Variants in SLC4A4 observed in about 807,000 individuals in gnomAD.
SLC4A4 encodes the protein electrogenic sodium bicarbonate cotransporter 1.
A neutral mutation model predicts 111.5 loss-of-function variants in SLC4A4; 27 were observed. The ratio of observed to expected loss-of-function variants is 0.24; its 90% CI spans 0.18 to 0.33. The LOEUF is 0.33. Ranked by LOEUF, SLC4A4 falls within the 10% of genes least tolerant of loss-of-function variation. The probability of loss-of-function intolerance (pLI) is 1.00; values close to 1 mark genes in which losing one functional copy is unlikely to be tolerated. For missense variants in SLC4A4, 909 were observed against 1,315.5 expected (o/e 0.69, Z 4.78); for synonymous variants, 443 against 463.4 (o/e 0.96, Z 0.57).
chr4:71,421,034 G>T (rs1303721452), intron 7 of SLC4A4, among the ~76,000 whole-genome samples: 3 of 148,394 alleles, frequency 2.0e-5, no homozygotes, highest in Non-Finnish European at 4.5e-5. Flanking sequence ...AAAAGACACA[G>T]ACTGGCAAAT....
intron 20 of SLC4A4, among the ~76,000 whole-genome samples, chr4:71,550,767 A>C (rs1210226046): frequency 1.3e-5 from 2 of 151,926 alleles, no homozygotes; most frequent in African/African-American, 2.4e-5. Context: ...ATTTTCTTTC[A>C]TGCATTAAGC....
chr4:71,228,673 T>C lies in SLC4A4; in HGVS notation c.-1-7903T>C, dbSNP rs113606636. On this transcript the variant is annotated intron_variant, in intron 1 of 25. Transcript: ENST00000264485. Reference sequence around the variant, plus strand: ...TGTACCTGACCACCATGTAGAATAATGTTTCTAGGGGAAATTAAAAAACAG... The same window carrying C: ...TGTACCTGACCACCATGTAGAATAACGTTTCTAGGGGAAATTAAAAAACAG... Among the ~76,000 whole-genome samples the C allele has an allele frequency of 4.8e-3, 726 of 152,328 alleles. 2 individuals carry two copies. Among genetic ancestry groups the C allele is most frequent in the Middle Eastern group, 0.024 (7 of 294 alleles).
chr4:71,552,862 T>G (rs1197376716), intron 20 of SLC4A4, among the ~76,000 whole-genome samples: 1 of 138,348 alleles, frequency 7.2e-6, no homozygotes, highest in Non-Finnish European at 1.6e-5. Context: ...CTATGTAAAT[T>G]ATACTGGTTT....
intron 7 of SLC4A4, among the ~76,000 whole-genome samples, chr4:71,436,230 A>G (rs1426688842): frequency 2.0e-5 from 3 of 152,196 alleles, no homozygotes; most frequent in Middle Eastern, 3.2e-3. Flanking sequence ...ATGCAGCCAT[A>G]AAAAAGGATG....
At chr4:71,291,925 A>G (rs1369078973) in intron 3 of SLC4A4, among the ~76,000 whole-genome samples, 1 of 152,122 alleles carries the variant, frequency 6.6e-6, no homozygotes, top group Non-Finnish European at 1.5e-5. Context: ...CGGTGTATCT[A>G]TTTATGGATT....
intron 6 of SLC4A4, among the ~76,000 whole-genome samples, chr4:71,381,097 T>C (rs886435520): frequency 6.6e-6 from 1 of 152,206 alleles, no homozygotes; most frequent in Admixed American, 6.5e-5. Context: ...TTCACTGTGA[T>C]GCAAGCAGTA....
In SLC4A4 at chr4:71,169,002, T is replaced by C. The variant is rs984295533; in HGVS notation, c.-1-67574T>C. ...TGGGATTGCTGAATCATAAGGCAGCTCTATTTTTATTTATTTATTTATATT... is the reference window on the plus strand; with the variant it reads ...TGGGATTGCTGAATCATAAGGCAGCCCTATTTTTATTTATTTATTTATATT... On this transcript the variant is annotated intron_variant, in intron 2 of 26. Coordinates refer to the SLC4A4 transcript ENST00000649996. Among the ~76,000 whole-genome samples the C allele has an allele frequency of 2.0e-5, 3 of 152,022 alleles. 1 individual carries two copies. The South Asian group carries it at 6.2e-4, about 32-fold the overall frequency.
chr4:71,323,594 G>A (rs932048783), intron 3 of SLC4A4, among the ~76,000 whole-genome samples: 4 of 152,022 alleles, frequency 2.6e-5, no homozygotes, highest in Non-Finnish European at 5.9e-5. Context: ...TGGGTGAATG[G>A]ATGGGGTTGC....
At chr4:71,101,777 C>A (rs1742744137) in intron 2 of SLC4A4, among the ~76,000 whole-genome samples, 1 of 152,070 alleles carries the variant, frequency 6.6e-6, no homozygotes, top group Non-Finnish European at 1.5e-5. Flanking sequence ...CTGTACATCA[C>A]CATCATCAAA....
At chr4:71,196,575 T>A (rs1370640958) in intron 1 of SLC4A4, among the ~76,000 whole-genome samples, 1 of 152,026 alleles carries the variant, frequency 6.6e-6, no homozygotes, top group Non-Finnish European at 1.5e-5. Context: ...TGCCCTTTAA[T>A]TGTTTCATAT....
intron 3 of SLC4A4, among the ~76,000 whole-genome samples, chr4:71,298,456 G>C (rs1344121078): frequency 6.6e-6 from 1 of 152,158 alleles, no homozygotes; most frequent in Non-Finnish European, 1.5e-5. Flanking sequence ...AAGGTTGATG[G>C]TGTTTTATAG....
At chr4:71,541,159 G>A (rs1241734060) in intron 18 of SLC4A4, among the ~76,000 whole-genome samples, 1 of 152,122 alleles carries the variant, frequency 6.6e-6, no homozygotes, top group East Asian at 1.9e-4. Context: ...TCTGGGAGGA[G>A]GCTCTGATGT....
chr4:71,318,430 T>C (rs1464502805), intron 3 of SLC4A4, among the ~76,000 whole-genome samples: 1 of 152,106 alleles, frequency 6.6e-6, no homozygotes, highest in Non-Finnish European at 1.5e-5. Context: ...ATTTTTGAAA[T>C]GAATTCTTGG....
chr4:71,508,088 T>G (rs1322766757), intron 16 of SLC4A4, among the ~76,000 whole-genome samples: 1 of 152,052 alleles, frequency 6.6e-6, no homozygotes, highest in South Asian at 2.1e-4. Flanking sequence ...GCTAAAACAG[T>G]GTTAAGAGGG....
Position 71,348,097 on chromosome 4 carries a change from G to A in SLC4A4, c.390-1815G>A, listed in dbSNP as rs758423957. Among the ~76,000 whole-genome samples, 97 of 152,012 alleles carry A rather than the reference G, an allele frequency of 6.4e-4. 1 individual carries two copies. Among genetic ancestry groups the A allele is most frequent in the African/African-American group, 8.5e-4 (35 of 41,382 alleles). The stretch of plus-strand genomic sequence containing the variant: ...ACATGCTTAGCGATTCTATGAGCAA[G>A]CATGAAAAGATGATATACCTAAAGT... On this transcript the variant is annotated intron_variant, in intron 4 of 25. Transcript: ENST00000264485.
chr4:71,144,877 A>G (rs1343482291), intron 2 of SLC4A4, among the ~76,000 whole-genome samples: 1 of 152,146 alleles, frequency 6.6e-6, no homozygotes, highest in Non-Finnish European at 1.5e-5. Flanking sequence ...TAGATATACA[A>G]TCATGTCATC....
chr4:71,096,951 T>C (rs1395003510), intron 2 of SLC4A4, among the ~76,000 whole-genome samples: 1 of 152,240 alleles, frequency 6.6e-6, no homozygotes, highest in African/African-American at 2.4e-5. Flanking sequence ...TGTATAACTA[T>C]AAACTTACAT....
chr4:71,376,097 G>GTATA (rs1487765642), intron 6 of SLC4A4, among the ~76,000 whole-genome samples: 239 of 146,828 alleles, frequency 1.6e-3, no homozygotes, highest in African/African-American at 5.8e-3. Flanking sequence ...ATATATACGT[G>GTATA]TGTATATATA....
chr4:71,282,652 G>A (rs1560844782), intron 3 of SLC4A4, among the ~76,000 whole-genome samples: 1 of 150,886 alleles, frequency 6.6e-6, no homozygotes, highest in Admixed American at 6.6e-5. Flanking sequence ...GCATGATCAG[G>A]GCTCACTGTA....
Sources: gnomAD v4.1 joint callset for allele counts (sites outside exome capture counted in the v4.1 genomes callset) on GRCh38, gnomAD v4.1.1 for gene constraint, MANE v1.5 for transcripts, NCBI Gene and HGNC (gene_info 2026-07-23, HGNC 2026-07-21) for gene names.